TNKS1BP1: variants seen among roughly 807,000 people sequenced by gnomAD.
TNKS1BP1 encodes the protein 182 kDa tankyrase-1-binding protein.
In TNKS1BP1, 48 loss-of-function variants were observed where a neutral mutation model predicts 141.1. The ratio of observed to expected loss-of-function variants is 0.34; its 90% CI spans 0.27 to 0.43. The LOEUF is 0.43. Ranked by LOEUF, TNKS1BP1 falls within the 20% of genes least tolerant of loss-of-function variation. The pLI is 1.00. For synonymous variants in TNKS1BP1, 875 were observed against 898.2 expected (o/e 0.97, Z 0.46); for missense variants, 2,149 against 2,226.0 (o/e 0.97, Z 0.70).
chr11:57,311,298 C>G, intron 5 of TNKS1BP1: 1 of 985,936 alleles, frequency 1.0e-6, no homozygotes, highest in Non-Finnish European at 1.2e-6. Context: ...CATCCCTCAG[C>G]GCAGCGTTGG....
Position 57,301,936 on chromosome 11 carries a change from C to G in TNKS1BP1, c.4842G>C (p.Arg1614=). Residue 1614 remains arginine (R), a synonymous_variant, in exon 9 of 12, where the codon CGG becomes CGC. Coordinates refer to ENST00000358252, the MANE Select transcript of TNKS1BP1 (RefSeq NM_033396.3). ...AHLFQDSTEP[R]ASRVPSSDEE... is the part of the protein sequence containing the mutation. ...CATCTGAAGATGGCACCCGAGATGC[C>G]CGTGGCTCTGCAAAGGCCCGGGAAA... is the stretch of plus-strand genomic sequence containing the variant. 1 of 1,613,732 alleles carries G rather than the reference C, an allele frequency of 6.2e-7. No individual in the cohort carries two copies. Among genetic ancestry groups the G allele is most frequent in the Non-Finnish European group, 8.5e-7 (1 of 1,179,756 alleles).
At chr11:57,311,250 G>C (rs1290099297) in intron 5 of TNKS1BP1, 53 of 985,692 alleles carry the variant, frequency 5.4e-5, no homozygotes, top group Non-Finnish European at 6.1e-5. Flanking sequence ...TTGTGGGCGG[G>C]AGAGCCCTGG....
intron 11 of TNKS1BP1, 64 bp downstream of exon 11, chr11:57,300,464 G>A: frequency 6.8e-7 from 1 of 1,478,406 alleles, no homozygotes; most frequent in Non-Finnish European, 9.4e-7. Flanking sequence ...GGGGCATGAG[G>A]CCTCCGAAGC....
rs369574880 is a variant in TNKS1BP1 at position 57,301,992 on chromosome 11, C to T, written c.4835-49G>A. The stretch of plus-strand genomic sequence containing the variant: ...TCAGAAAAGGCAGCACACCCAGACT[C>T]CCCGAACCCATAACCCCTGCAAAAG... On this transcript the variant is annotated intron_variant, in intron 8 of 11. Coordinates refer to ENST00000358252, the MANE Select transcript of TNKS1BP1 (RefSeq NM_033396.3). The T allele has an allele frequency of 4.4e-6, 7 of 1,608,776 alleles. 1 individual carries two copies. The Admixed American group carries it at 1.2e-4, about 27-fold the overall frequency.
At chr11:57,301,103 G>T in intron 9 of TNKS1BP1, 62 bp from the exon 10 acceptor site, 1 of 1,483,812 alleles carries the variant, frequency 6.7e-7, no homozygotes, top group South Asian at 1.3e-5. Context: ...CTCTCAGGGG[G>T]TAAGACCTTA....
Position 57,313,099 on chromosome 11 carries a change from C to T in TNKS1BP1, c.1589G>A (p.Gly530Glu). 6.2e-7 allele frequency: 1 copy of T among 1,613,422 alleles called. No individual in the cohort carries two copies. ...REEGVSQQGQ[G>E]AGSAPSGSGS... is the part of the protein sequence containing the mutation. ...TGACCCACTTGGAGCTGACCCAGCC[C>T]CTTGCCCCTGCTGAGACACTCCTTC... The change falls in exon 5 of 12, where the codon GGG (glycine) becomes GAG (glutamate). Residue 530 changes from glycine to glutamate, a missense_variant. By Grantham distance (98) the Gly-to-Glu change is moderately conservative (BLOSUM62 -2). Coordinates refer to ENST00000358252, the MANE Select transcript of TNKS1BP1 (RefSeq NM_033396.3).
At position 57,310,332 on chromosome 11, in the gene TNKS1BP1, C is replaced by A. The variant is rs764133949; in HGVS notation, c.2379G>T (p.Arg793Ser). 6.2e-7 allele frequency: 1 copy of A among 1,614,098 alleles called. No individual in the cohort carries two copies. Among genetic ancestry groups the A allele is most frequent in the Non-Finnish European group, 8.5e-7 (1 of 1,180,040 alleles). Residue 793 changes from arginine (R) to serine (S), a missense_variant, in exon 6 of 12, where the codon AGG becomes AGT. Physicochemically the swap from Arg to Ser is moderately radical, Grantham distance 110 (BLOSUM62 -1). Transcript: ENST00000358252. ...GEGSTREWAS[R>S]CGIGQEEMEA... The stretch of plus-strand genomic sequence containing the variant: ...CCATCTCCTCCTGGCCGATGCCACA[C>A]CTGCTGGCCCACTCCCTGGTGCTCC...
intron 11 of TNKS1BP1, 48 bp downstream of exon 11, chr11:57,300,480 G>A (rs1855508655): frequency 1.3e-5 from 21 of 1,590,146 alleles, no homozygotes; most frequent in Non-Finnish European, 1.6e-5. Context: ...GAAGCCTCCA[G>A]GGCAGGCCCT....
In TNKS1BP1 at chr11:57,321,918, G is replaced by C; in HGVS notation, c.-33C>G. ...GGCAGACCCTCCTTGAGAGCGGGGA[G>C]GCAGAGAGGTATGAGCTGGGGTGGC... On this transcript the variant is annotated 5_prime_UTR_variant, in exon 2 of 12. Coordinates refer to ENST00000358252, the MANE Select transcript of TNKS1BP1 (RefSeq NM_033396.3). The C allele has an allele frequency of 6.2e-7, 1 of 1,613,004 alleles. No individual in the cohort carries two copies. The highest frequency in any genetic ancestry group is 1.1e-5 in the South Asian group (1 of 90,908).
Position 57,308,982 on chromosome 11 carries a change from C to T in TNKS1BP1, c.3729G>A (p.Glu1243=). 6.2e-7 allele frequency: 1 copy of T among 1,614,166 alleles called. No homozygotes were observed. Among genetic ancestry groups the T allele is most frequent in the Non-Finnish European group, 8.5e-7 (1 of 1,180,010 alleles). ...CTCTGGCCTGGCTGTGGCCTCCTCCCTCCCCGACCTCAGCCAAATCTTTGC... is the reference window on the plus strand; with the variant it reads ...CTCTGGCCTGGCTGTGGCCTCCTCCTTCCCCGACCTCAGCCAAATCTTTGC... ...VKSKDLAEVG[E]GGGHSQARES... Residue 1243 remains glutamate (E), a synonymous_variant, in exon 6 of 12, where the codon GAG becomes GAA. Transcript: ENST00000358252.
intron 1 of TNKS1BP1, chr11:57,322,176 C>T (rs758989397): frequency 5.5e-5 from 59 of 1,079,904 alleles, no homozygotes; most frequent in Non-Finnish European, 6.9e-5. Context: ...AAAGTCCTAG[C>T]GCTTCAGGGA....
chr11:57,312,129 GCTACA>G (rs962603664), intron 5 of TNKS1BP1, among the ~76,000 whole-genome samples: 3 of 151,780 alleles, frequency 2.0e-5, no homozygotes, highest in African/African-American at 4.8e-5. Flanking sequence ...GCTCTAAATG[GCTACA>G]CTATTTTGCC....
intron 2 of TNKS1BP1, 93 bp from the exon 3 acceptor site, chr11:57,320,805 G>A (rs941698443): frequency 1.9e-5 from 26 of 1,373,522 alleles, no homozygotes; most frequent in Admixed American, 8.8e-5. Context: ...CCCACCCTCC[G>A]ATTTAAGAAT....
At chr11:57,315,435 G>C (rs1218758050) in intron 4 of TNKS1BP1, among the ~76,000 whole-genome samples, 1 of 151,936 alleles carries the variant, frequency 6.6e-6, no homozygotes, top group Non-Finnish European at 1.5e-5. Flanking sequence ...TGTTTAACCT[G>C]TTTAAATACA....
intron 11 of TNKS1BP1, 88 bp from the exon 12 acceptor site, chr11:57,300,169 A>C (rs1341940413): frequency 4.4e-6 from 1 of 229,784 alleles, no homozygotes; most frequent in East Asian, 1.1e-4. Context: ...TGGTGCCCCC[A>C]GCTAAGCCTG....
chr11:57,321,687 A>T, intron 2 of TNKS1BP1, 105 bp downstream of exon 2: 1 of 1,356,888 alleles, frequency 7.4e-7, no homozygotes, highest in Non-Finnish European at 1.0e-6. Context: ...TCCCTATCTC[A>T]ACAGAATCAT....
Position 57,320,139 on chromosome 11 carries a change from T to C in TNKS1BP1, c.668A>G (p.Glu223Gly), listed in dbSNP as rs865875645. 6.2e-7 allele frequency: 1 copy of C among 1,613,360 alleles called. No individual in the cohort carries two copies. Among genetic ancestry groups the C allele is most frequent in the African/African-American group, 1.3e-5 (1 of 74,736 alleles). Residue 223 changes from glutamate to glycine, a missense_variant, in exon 3 of 12, where the codon GAG becomes GGG. Physicochemically the swap from Glu to Gly is moderately conservative, Grantham distance 98. Transcript: ENST00000358252. ...CTCTGCTGGAGACTTTACTGGCCCCTCCTGGGACCATCCCCTGAAGAGGGT... is the reference window on the plus strand; with the variant it reads ...CTCTGCTGGAGACTTTACTGGCCCCCCCTGGGACCATCCCCTGAAGAGGGT... ...GSTLFRGWSQ[E>G]GPVKSPAECR...
intron 6 of TNKS1BP1, 112 bp downstream of exon 6, chr11:57,308,283 A>G: frequency 6.9e-7 from 1 of 1,443,904 alleles, no homozygotes; most frequent in African/African-American, 1.4e-5. Flanking sequence ...AATTACCCAA[A>G]CACTAAAAGT....
Position 57,308,402 on chromosome 11 carries a change from C to G in TNKS1BP1, c.4309G>C (p.Gly1437Arg). 4.3e-6 allele frequency: 7 copies of G among 1,612,816 alleles called. No homozygotes were observed. The highest frequency in any genetic ancestry group is 5.9e-6 in the Non-Finnish European group (7 of 1,179,068). ...TGGGGCTCCGTTCATTACCTTGCTC[C>G]GAAGCTGAGGGCTTCTCCTGTCTCC... The part of the protein sequence containing the change: ...GMETGEALSF[G>R]ASPGRCPARP... Residue 1437 changes from glycine (G) to arginine (R), a missense_variant, in exon 6 of 12, where the codon GGA becomes CGA. Coordinates refer to ENST00000358252, the MANE Select transcript of TNKS1BP1 (RefSeq NM_033396.3).
Sources: allele counts gnomAD v4.1 joint callset (sites outside exome capture counted in the v4.1 genomes callset), GRCh38; gene constraint gnomAD v4.1.1; transcripts MANE v1.5; gene names NCBI Gene and HGNC (gene_info 2026-07-23, HGNC 2026-07-21).